Variants in SCHIP1 observed in about 807,000 individuals in gnomAD.
The protein encoded by SCHIP1 is schwannomin-interacting protein 1.
SCHIP1 carries 8 observed loss-of-function variants against 29.7 expected under a neutral mutation model. The ratio of observed to expected loss-of-function variants is 0.27; its 90% CI spans 0.16 to 0.49. SCHIP1 has a LOEUF of 0.49. Among genes scored for constraint, SCHIP1 ranks in the 20% least tolerant of loss-of-function variants. SCHIP1 has a pLI of 0.99. For missense variants in SCHIP1, 193 were observed against 294.6 expected, an observed-to-expected ratio of 0.66 and a Z score of 2.52; for synonymous variants, 76 against 94.9, an observed-to-expected ratio of 0.80 and a Z score of 1.16.
chr3:159,303,649 G>T, the SCHIP1 span, among the ~76,000 whole-genome samples: 18 of 152,146 alleles, frequency 1.2e-4, no homozygotes, highest in African/African-American at 3.9e-4. Context: ...AGCTGTGAAG[G>T]TTTACAAGCT....
the SCHIP1 span, among the ~76,000 whole-genome samples, chr3:159,555,043 T>C: frequency 2.0e-5 from 3 of 152,170 alleles, no homozygotes; most frequent in African/African-American, 7.2e-5. Flanking sequence ...CACATATTAA[T>C]TTTTTAAAAA....
the SCHIP1 span, among the ~76,000 whole-genome samples, chr3:159,828,731 T>G: frequency 6.6e-6 from 1 of 152,076 alleles, no homozygotes; most frequent in African/African-American, 2.4e-5. Context: ...ATTGAAAAGC[T>G]TTTTTATTGT....
At chr3:159,331,257 G>C in the SCHIP1 span, among the ~76,000 whole-genome samples, 3 of 152,272 alleles carry the variant, frequency 2.0e-5, no homozygotes, top group East Asian at 5.8e-4. Context: ...TCCCCCAGAG[G>C]GATCCTCCAG....
chr3:159,404,367 G>C, the SCHIP1 span, among the ~76,000 whole-genome samples: 1 of 152,094 alleles, frequency 6.6e-6, no homozygotes, highest in Non-Finnish European at 1.5e-5. Flanking sequence ...CTCTTCGATG[G>C]CATTTCTGTT....
At chr3:159,571,394 G>GT in the SCHIP1 span, among the ~76,000 whole-genome samples, 1 of 152,042 alleles carries the variant, frequency 6.6e-6, no homozygotes, top group Non-Finnish European at 1.5e-5. Flanking sequence ...TAATCATGTC[G>GT]TTTTTATCAT....
At chr3:159,597,498 A>G in the SCHIP1 span, among the ~76,000 whole-genome samples, 3 of 152,120 alleles carry the variant, frequency 2.0e-5, no homozygotes, top group Non-Finnish European at 4.4e-5. Flanking sequence ...TCAAGTTTTT[A>G]GCTCCCACAT....
At chr3:159,468,775 A>T in the SCHIP1 span, among the ~76,000 whole-genome samples, 3,524 of 125,490 alleles carry the variant, frequency 0.028, 55 homozygotes, top group Middle Eastern at 0.081. Flanking sequence ...ATATATATAT[A>T]TATTTTTTTT....
the SCHIP1 span, chr3:159,764,809 C>T: frequency 7.0e-6 from 11 of 1,579,152 alleles, no homozygotes; most frequent in Non-Finnish European, 9.4e-6. This position sits in a 1 kb window ranked among gnomAD's most constrained non-coding sequence, Gnocchi z 6.1. Flanking sequence ...CACCGCCATG[C>T]CGCCCCCGGT....
At chr3:159,349,211 T>G in the SCHIP1 span, among the ~76,000 whole-genome samples, 1 of 151,408 alleles carries the variant, frequency 6.6e-6, no homozygotes, top group Non-Finnish European at 1.5e-5. Context: ...GCTCATTGAT[T>G]TTTTTACCAG....
the SCHIP1 span, among the ~76,000 whole-genome samples, chr3:159,431,896 T>C: frequency 6.6e-6 from 1 of 152,178 alleles, no homozygotes; most frequent in Non-Finnish European, 1.5e-5. Flanking sequence ...CTATTGCTGA[T>C]GGAAGTCTGC....
At chr3:159,555,321 C>T in the SCHIP1 span, among the ~76,000 whole-genome samples, 3 of 152,108 alleles carry the variant, frequency 2.0e-5, no homozygotes, top group Non-Finnish European at 4.4e-5. Context: ...TTTGTTTGCT[C>T]ATTTCCTAAT....
At chr3:159,460,967 T>C in the SCHIP1 span, among the ~76,000 whole-genome samples, 5 of 152,136 alleles carry the variant, frequency 3.3e-5, no homozygotes, top group African/African-American at 4.8e-5. Flanking sequence ...GTGTTAATCA[T>C]ACAAATGCCA....
the SCHIP1 span, among the ~76,000 whole-genome samples, chr3:159,373,690 T>TAGCAGAATGTTCTCCAATTCC: frequency 5.9e-5 from 9 of 152,148 alleles, no homozygotes; most frequent in Non-Finnish European, 1.3e-4. Context: ...TTATTTCACT[T>TAGCAGAATGTTCTCCAATTCC]AGCAGAATGT....
At chr3:159,868,299 A>G (rs1714878086) in intron 2 of SCHIP1, among the ~76,000 whole-genome samples, 1 of 151,764 alleles carries the variant, frequency 6.6e-6, no homozygotes, top group Non-Finnish European at 1.5e-5. Flanking sequence ...TTCTTCTGGT[A>G]TTTACCTACA....
At chr3:159,859,376 C>T (rs1023050451) in intron 1 of SCHIP1, among the ~76,000 whole-genome samples, 1 of 152,118 alleles carries the variant, frequency 6.6e-6, no homozygotes, top group African/African-American at 2.4e-5. Flanking sequence ...ACTTCTGGTT[C>T]ATAATGTTTA....
At chr3:159,775,598 G>A in the SCHIP1 span, among the ~76,000 whole-genome samples, 1 of 152,176 alleles carries the variant, frequency 6.6e-6, no homozygotes, top group South Asian at 2.1e-4. Context: ...CTAGCACAGG[G>A]TGCCTCTGGT....
chr3:159,279,825 G>T, the SCHIP1 span, among the ~76,000 whole-genome samples: 205 of 152,240 alleles, frequency 1.3e-3, no homozygotes, highest in Non-Finnish European at 2.1e-3. Flanking sequence ...GAAGTTGGTT[G>T]GCCAGAAACC....
At chr3:159,349,548 C>T in the SCHIP1 span, among the ~76,000 whole-genome samples, 1 of 152,196 alleles carries the variant, frequency 6.6e-6, no homozygotes, top group Non-Finnish European at 1.5e-5. Context: ...CACCCCACTG[C>T]CTAACATGGG....
the SCHIP1 span, among the ~76,000 whole-genome samples, chr3:159,673,329 C>T: frequency 6.6e-6 from 1 of 152,228 alleles, no homozygotes; most frequent in African/African-American, 2.4e-5. Context: ...TTCTCCAGCA[C>T]TTCAAAGAAA....
Sources: allele counts gnomAD v4.1 joint callset (sites outside exome capture counted in the v4.1 genomes callset), GRCh38; gene constraint gnomAD v4.1.1; non-coding constraint Gnocchi (gnomAD v3.1); transcripts MANE v1.5; gene names NCBI Gene and HGNC (gene_info 2026-07-23, HGNC 2026-07-21).